The following CNTNAP2 variants were observed in gnomAD, a reference collection of about 807,000 sequenced individuals.
The protein encoded by CNTNAP2 is contactin associated protein 2.
CNTNAP2 carries 98 observed loss-of-function variants against 155.2 expected under a neutral mutation model. That is an observed-to-expected ratio of 0.63 (90% CI 0.54 to 0.75). The LOEUF is 0.75. Ranked by LOEUF, CNTNAP2 falls within the 30% of genes least tolerant of loss-of-function variation. The pLI is 0.00. For synonymous variants in CNTNAP2, 651 were observed against 631.2 expected (o/e 1.03, Z -0.47); for missense variants, 1,727 against 1,688.1 (o/e 1.02, Z -0.40).
At chr7:148,331,402 T>TA (rs1356477218) in intron 21 of CNTNAP2, among the ~76,000 whole-genome samples, 1 of 128,878 alleles carries the variant, frequency 7.8e-6, no homozygotes, top group Non-Finnish European at 1.6e-5. Context: ...ATGGAGTGGA[T>TA]GGATGGAATG....
intron 4 of CNTNAP2, among the ~76,000 whole-genome samples, chr7:147,105,991 A>G (rs1402943251): frequency 7.9e-5 from 12 of 152,052 alleles, no homozygotes; most frequent in Admixed American, 7.9e-4. Context: ...TCTAAAAGTA[A>G]GACAGGAATG....
intron 8 of CNTNAP2, among the ~76,000 whole-genome samples, chr7:147,194,682 T>G (rs148943709): frequency 0.015 from 2,226 of 152,328 alleles, 36 homozygotes; most frequent in Middle Eastern, 0.031. Context: ...TCAGTGACGT[T>G]GAGCTTTTTT....
chr7:147,821,698 A>G lies in CNTNAP2; in HGVS notation c.2099-81867A>G, dbSNP rs75823678. ...CAAAGGAAAAGGCCCTGAAAAGGGA[A>G]ATGGCTGAAGAGAAACAGGAAAGAA... On this transcript the variant is annotated intron_variant, in intron 13 of 23. Coordinates refer to ENST00000361727, the MANE Select transcript of CNTNAP2 (RefSeq NM_014141.6). Among the ~76,000 whole-genome samples the G allele has an allele frequency of 7.9e-3, 1,198 of 152,190 alleles. 17 individuals carry two copies. The highest frequency in any genetic ancestry group is 0.027 in the African/African-American group (1,135 of 41,538).
At chr7:147,438,846 T>G (rs1295603139) in intron 10 of CNTNAP2, among the ~76,000 whole-genome samples, 1 of 151,974 alleles carries the variant, frequency 6.6e-6, no homozygotes, top group Non-Finnish European at 1.5e-5. Flanking sequence ...ATTTGTCCAT[T>G]TTTTTCCCTA....
chr7:146,720,542 T>C (rs1801268248), intron 1 of CNTNAP2, among the ~76,000 whole-genome samples: 1 of 152,136 alleles, frequency 6.6e-6, no homozygotes, highest in Non-Finnish European at 1.5e-5. Context: ...GCCACATTTT[T>C]ATTAAAGAAT....
chr7:146,550,413 T>TGTTG (rs1563130804), intron 1 of CNTNAP2, among the ~76,000 whole-genome samples: 1 of 117,120 alleles, frequency 8.5e-6, no homozygotes, highest in Non-Finnish European at 2.0e-5. Flanking sequence ...TTTTTTTTTT[T>TGTTG]TTTTTTTTTT....
chr7:147,297,184 T>A (rs2116762035), intron 8 of CNTNAP2, among the ~76,000 whole-genome samples: 1 of 152,322 alleles, frequency 6.6e-6, no homozygotes, highest in South Asian at 2.1e-4. Context: ...ATGCTATTTT[T>A]ATTGCTTTTT....
chr7:148,010,544 T>A (rs534958481), intron 15 of CNTNAP2, among the ~76,000 whole-genome samples: 1 of 152,102 alleles, frequency 6.6e-6, no homozygotes, highest in Non-Finnish European at 1.5e-5. Flanking sequence ...TTTAATGGTA[T>A]AATCTAAGGG....
chr7:147,315,725 C>T (rs530143811), intron 9 of CNTNAP2, among the ~76,000 whole-genome samples: 23 of 152,054 alleles, frequency 1.5e-4, no homozygotes, highest in South Asian at 1.5e-3. Flanking sequence ...CTGATCCACC[C>T]GCCTCAGCCT....
chr7:147,976,054 C>A (rs1801421680), intron 14 of CNTNAP2, among the ~76,000 whole-genome samples: 1 of 152,058 alleles, frequency 6.6e-6, no homozygotes, highest in Non-Finnish European at 1.5e-5. Context: ...TTCAATAAAA[C>A]TTTTTTATGA....
In CNTNAP2 at chr7:148,359,001, C is replaced by T. The variant is rs189249665; in HGVS notation, c.3476-24648C>T. On this transcript the variant is annotated intron_variant, in intron 21 of 23. Transcript: ENST00000361727. The stretch of plus-strand genomic sequence containing the variant: ...TGCTGTGTAAGGACGATTCAGTCAA[C>T]CACAGACTGTGTGTACAGTGGTGGT... 3.6e-3 allele frequency among the ~76,000 whole-genome samples: 546 copies of T among 152,326 alleles called. 4 individuals carry two copies. The highest frequency in any genetic ancestry group is 0.013 in the African/African-American group (527 of 41,582).
At chr7:147,883,951 C>G (rs576705286) in intron 13 of CNTNAP2, among the ~76,000 whole-genome samples, 1 of 152,168 alleles carries the variant, frequency 6.6e-6, no homozygotes, top group Admixed American at 6.5e-5. Flanking sequence ...AAAACAGTAT[C>G]TAATATTAGA....
chr7:146,163,517 C>CTA (rs71525927), intron 1 of CNTNAP2, among the ~76,000 whole-genome samples: 107,791 of 144,928 alleles, frequency 0.74, 40,913 homozygotes, highest in East Asian at 0.95. Flanking sequence ...CTATATATAT[C>CTA]TATATATATC....
At chr7:146,300,988 G>T (rs1800598575) in intron 1 of CNTNAP2, among the ~76,000 whole-genome samples, 1 of 152,144 alleles carries the variant, frequency 6.6e-6, no homozygotes, top group African/African-American at 2.4e-5. Flanking sequence ...CATAACAGAT[G>T]ATTAGCTTTC....
In CNTNAP2 at chr7:146,422,359, G is replaced by GTATATATATATATATATATA. The variant is rs971506491; in HGVS notation, c.97+305399_97+305400insATATATATATATATATATAT. 3.2e-3 allele frequency among the ~76,000 whole-genome samples: 481 copies of GTATATATATATATATATATA among 148,094 alleles called. 3 individuals carry two copies. Among genetic ancestry groups the GTATATATATATATATATATA allele is most frequent in the African/African-American group, 0.011 (449 of 40,220 alleles). ...TACATATATGTATGTGTATATATAT[G>GTATATATATATATATATATA]TATATATATATATGTTAGCCATTTA... On this transcript the variant is annotated intron_variant, in intron 1 of 23. Transcript: ENST00000361727.
chr7:146,556,205 C>T (rs1458998482), intron 1 of CNTNAP2, among the ~76,000 whole-genome samples: 2 of 151,748 alleles, frequency 1.3e-5, no homozygotes, highest in African/African-American at 4.8e-5. Context: ...TTGAAAAATA[C>T]TAGTGTAACC....
At chr7:147,919,459 C>CTTTTTTTTTTT (rs796710849) in intron 14 of CNTNAP2, among the ~76,000 whole-genome samples, 3 of 51,226 alleles carry the variant, frequency 5.9e-5, no homozygotes, top group African/African-American at 3.2e-4. Flanking sequence ...CTTTTTCTTT[C>CTTTTTTTTTTT]TTTTTTTTTT....
intron 22 of CNTNAP2, among the ~76,000 whole-genome samples, chr7:148,400,956 G>A (rs950337639): frequency 4.0e-5 from 6 of 151,660 alleles, no homozygotes; most frequent in Non-Finnish European, 8.8e-5. Context: ...CTCCAGCCTG[G>A]GCGACAGAGT....
intron 1 of CNTNAP2, among the ~76,000 whole-genome samples, chr7:146,707,514 A>G (rs765630719): frequency 1.3e-5 from 2 of 152,020 alleles, no homozygotes; most frequent in Admixed American, 1.3e-4. Flanking sequence ...GTTCTCTCTT[A>G]GAAACTCTTG....
Sources: allele counts gnomAD v4.1 joint callset (sites outside exome capture counted in the v4.1 genomes callset), GRCh38; gene constraint gnomAD v4.1.1; transcripts MANE v1.5; gene names NCBI Gene and HGNC (gene_info 2026-07-23, HGNC 2026-07-21).